The following LRPPRC variants were observed in gnomAD, a reference collection of about 807,000 sequenced individuals.
The protein encoded by LRPPRC is leucine rich pentatricopeptide repeat containing, also known as leucine-rich PPR motif-containing protein, mitochondrial.
A neutral mutation model predicts 180.3 loss-of-function variants in LRPPRC; 120 were observed. The observed-to-expected ratio is 0.67, with a 90% CI of 0.57 to 0.77. LRPPRC has a LOEUF of 0.77. Ranked by LOEUF, LRPPRC falls within the 30% of genes least tolerant of loss-of-function variation. The pLI is 0.00. For synonymous variants in LRPPRC, 723 were observed against 600.0 expected (o/e 1.21, Z -3.00); for missense variants, 2,012 against 1,657.2 (o/e 1.21, Z -3.72).
At chr2:43,992,027 GAC>G (rs1424247819) in intron 1 of LRPPRC, among the ~76,000 whole-genome samples, 1 of 152,244 alleles carries the variant, frequency 6.6e-6, no homozygotes, top group Non-Finnish European at 1.5e-5. Flanking sequence ...AAAGGAGTAA[GAC>G]ACAGTATCTG....
chr2:43,941,211 T>G (rs972818749), intron 23 of LRPPRC, among the ~76,000 whole-genome samples: 1 of 152,162 alleles, frequency 6.6e-6, no homozygotes, highest in Non-Finnish European at 1.5e-5. Flanking sequence ...TCTCCTGTGT[T>G]TTGTCCAATG....
intron 31 of LRPPRC, chr2:43,903,799 GAA>G (rs997597135): frequency 2.6e-5 from 4 of 152,148 alleles, no homozygotes; most frequent in East Asian, 1.9e-4. Context: ...CCTGAAATTA[GAA>G]AAGTGTTTTG....
At chr2:43,920,355 T>C (rs1288973324) in intron 27 of LRPPRC, among the ~76,000 whole-genome samples, 1 of 152,090 alleles carries the variant, frequency 6.6e-6, no homozygotes, top group Non-Finnish European at 1.5e-5. Context: ...AGGCTGGTCT[T>C]GAACCCCTGA....
Position 43,901,553 on chromosome 2 carries a change from T to TC in LRPPRC, c.3365-30dup, listed in dbSNP as rs750467397. 3.5e-6 allele frequency: 5 copies of TC among 1,430,972 alleles called. No individual in the cohort carries two copies. In the South Asian group the frequency reaches 4.6e-5, roughly 13 times the overall value. The allele number at this position is 1,430,972 out of a possible 1,614,324, so 88.6% of individuals were successfully genotyped here. On this transcript the variant is annotated intron_variant, in intron 31 of 37. Coordinates refer to ENST00000260665, the MANE Select transcript of LRPPRC (RefSeq NM_133259.4). Reference sequence around the variant, plus strand: ...AAATACAAGAGCAGGAGATGGCTTTTCTTATATGACCTGTGCTGACTTTAA... The same window carrying TC: ...AAATACAAGAGCAGGAGATGGCTTTTCCTTATATGACCTGTGCTGACTTTAA...
chr2:43,974,082 C>G (rs1673941127), intron 9 of LRPPRC, 68 bp downstream of exon 9: 2 of 1,448,086 alleles, frequency 1.4e-6, no homozygotes, highest in Non-Finnish European at 1.9e-6. Flanking sequence ...TATAAATGTT[C>G]CTATACTTTA....
chr2:43,943,627 A>G (rs1672569416), intron 23 of LRPPRC, 60 bp downstream of exon 23: 1 of 1,415,702 alleles, frequency 7.1e-7, no homozygotes, highest in African/African-American at 1.4e-5. Flanking sequence ...TATAATCCGA[A>G]AATTATTAGA....
intron 29 of LRPPRC, among the ~76,000 whole-genome samples, chr2:43,914,594 G>T (rs1671373913): frequency 6.6e-6 from 1 of 151,996 alleles, no homozygotes; most frequent in Non-Finnish European, 1.5e-5. Context: ...TAGGGGTGGT[G>T]GGGGGTGCCT....
chr2:43,936,375 G>C (rs571395215), intron 23 of LRPPRC, among the ~76,000 whole-genome samples: 3 of 152,314 alleles, frequency 2.0e-5, no homozygotes, highest in African/African-American at 7.2e-5. Context: ...TTTATGAAAA[G>C]AGAGTATGAA....
intron 2 of LRPPRC, among the ~76,000 whole-genome samples, chr2:43,980,505 A>G (rs1674254316): frequency 6.7e-6 from 1 of 148,308 alleles, no homozygotes; most frequent in African/African-American, 2.5e-5. Flanking sequence ...GTGAGCCGAC[A>G]TTGCACCACT....
intron 23 of LRPPRC, among the ~76,000 whole-genome samples, chr2:43,943,450 G>A (rs936252080): frequency 2.0e-5 from 3 of 151,864 alleles, no homozygotes. Flanking sequence ...AAATTCAAGT[G>A]ATCACATGCT....
At chr2:43,945,968 T>A in intron 21 of LRPPRC, 145 bp downstream of exon 21, 1 of 805,802 alleles carries the variant, frequency 1.2e-6, no homozygotes, top group African/African-American at 1.7e-5. Context: ...AAGAGCCGTA[T>A]AATACGAAAT....
chr2:43,977,532 G>A (rs1198029826), intron 3 of LRPPRC, among the ~76,000 whole-genome samples: 1 of 152,112 alleles, frequency 6.6e-6, no homozygotes, highest in Non-Finnish European at 1.5e-5. Context: ...TACTTATGAA[G>A]CACAAAATTA....
At chr2:43,980,377 A>T (rs1430067089) in intron 2 of LRPPRC, among the ~76,000 whole-genome samples, 1 of 152,076 alleles carries the variant, frequency 6.6e-6, no homozygotes, top group Non-Finnish European at 1.5e-5. Context: ...AACATGGAGA[A>T]ACCCTGTCTC....
chr2:43,979,088 ATTAAATT>A (rs1014897573), intron 3 of LRPPRC, among the ~76,000 whole-genome samples: 25 of 152,164 alleles, frequency 1.6e-4, no homozygotes, highest in Non-Finnish European at 3.2e-4. Flanking sequence ...AGGAATGAAC[ATTAAATT>A]GTATTAAACC....
intron 32 of LRPPRC, 163 bp from the exon 33 acceptor site, chr2:43,899,768 G>T: frequency 1.6e-6 from 1 of 609,600 alleles, no homozygotes; most frequent in Non-Finnish European, 2.9e-6. Context: ...CTGAAACCCT[G>T]AATCACATTT....
intron 11 of LRPPRC, among the ~76,000 whole-genome samples, chr2:43,969,567 T>C (rs1335653707): frequency 6.6e-6 from 1 of 152,158 alleles, no homozygotes; most frequent in Non-Finnish European, 1.5e-5. Flanking sequence ...TGGCTCCTTG[T>C]TGCCAATATA....
Position 43,934,824 on chromosome 2 carries a change from T to C in LRPPRC, c.2559A>G (p.Lys853=), listed in dbSNP as rs774741673. The C allele has an allele frequency of 3.1e-6, 5 of 1,612,496 alleles. No homozygotes were observed. The highest frequency in any genetic ancestry group is 3.4e-6 in the Non-Finnish European group (4 of 1,178,604). Residue 853 remains lysine (K), a synonymous_variant, in exon 24 of 38, where the codon AAA becomes AAG. Coordinates refer to ENST00000260665, the MANE Select transcript of LRPPRC (RefSeq NM_133259.4). ...AGACATCATGAATCCTTGGTAATAC[T>C]TTATACTTTTCATAGCAGTCAATGG... The part of the protein sequence containing the change: ...EVAIDCYEKY[K]VLPRIHDVLC...
chr2:43,909,669 C>G (rs1307024179), intron 30 of LRPPRC, among the ~76,000 whole-genome samples: 4 of 150,790 alleles, frequency 2.7e-5, no homozygotes, highest in African/African-American at 9.8e-5. Flanking sequence ...GGAAAAAACT[C>G]TGGAAGGGGA....
At chr2:43,898,071 T>TA (rs61550367) in intron 34 of LRPPRC, among the ~76,000 whole-genome samples, 4,467 of 115,890 alleles carry the variant, frequency 0.039, 172 homozygotes, top group African/African-American at 0.094. Flanking sequence ...TCCTTAAAAT[T>TA]AAAAAAAAAA....
Sources: allele counts gnomAD v4.1 joint callset (sites outside exome capture counted in the v4.1 genomes callset), GRCh38; gene constraint gnomAD v4.1.1; transcripts MANE v1.5; gene names NCBI Gene and HGNC (gene_info 2026-07-23, HGNC 2026-07-21).